MYT1L: variants seen among roughly 807,000 people sequenced by gnomAD.
The protein encoded by MYT1L is myelin transcription factor 1-like protein.
Under a neutral mutation model 126.7 loss-of-function variants are expected in MYT1L, and 12 were observed. The ratio of observed to expected loss-of-function variants is 0.09; its 90% CI spans 0.06 to 0.15. The LOEUF is 0.15. MYT1L is among the 10% of genes least tolerant of loss of function. MYT1L has a pLI of 1.00. For missense variants in MYT1L, 979 were observed against 1,585.2 expected (o/e 0.62, Z 6.49); for synonymous variants, 541 against 604.2 (o/e 0.90, Z 1.53).
chr2:1,843,829 T>C (rs570969609), intron 19 of MYT1L, among the ~76,000 whole-genome samples: 1 of 152,340 alleles, frequency 6.6e-6, no homozygotes, highest in Admixed American at 6.5e-5. Context: ...GGGACAGCTC[T>C]GGGCCACCAT....
intron 22 of MYT1L, among the ~76,000 whole-genome samples, chr2:1,803,956 G>T (rs558267548): frequency 1.3e-5 from 2 of 152,188 alleles, no homozygotes; most frequent in African/African-American, 4.8e-5. Context: ...GCGCCTCGGC[G>T]TGAAGCCCCC....
intron 9 of MYT1L, among the ~76,000 whole-genome samples, chr2:1,937,585 G>T (rs372732631): frequency 4.1e-4 from 62 of 151,358 alleles, no homozygotes; most frequent in African/African-American, 1.3e-3. Context: ...ACAGCCATCA[G>T]ATCGCAAGTC....
At chr2:2,124,516 G>A (rs1012502645) in intron 3 of MYT1L, among the ~76,000 whole-genome samples, 1 of 152,106 alleles carries the variant, frequency 6.6e-6, no homozygotes, top group Non-Finnish European at 1.5e-5. Flanking sequence ...GGCTGGTCTC[G>A]AACTTCTGAC....
intron 3 of MYT1L, among the ~76,000 whole-genome samples, chr2:2,149,659 C>G (rs576114236): frequency 6.6e-6 from 1 of 152,338 alleles, no homozygotes; most frequent in African/African-American, 2.4e-5. Context: ...AGGGCTGTTT[C>G]ATTCTGGCAT....
intron 1 of MYT1L, among the ~76,000 whole-genome samples, chr2:2,295,557 C>CAGACAGACAGAGAGAGAGAGAGAG (rs2095660135): frequency 7.8e-6 from 1 of 128,436 alleles, no homozygotes; most frequent in Non-Finnish European, 1.7e-5. Context: ...GAGAGAGAGA[C>CAGACAGACAGAGAGAGAGAGAGAG]AGACAGACAG....
At chr2:2,095,018 C>A (rs1409024563) in intron 3 of MYT1L, among the ~76,000 whole-genome samples, 1 of 152,210 alleles carries the variant, frequency 6.6e-6, no homozygotes, top group Non-Finnish European at 1.5e-5. Context: ...TCCAAGGAAC[C>A]CAGTCCAGCA....
At chr2:2,250,588 C>T (rs2094621022) in intron 2 of MYT1L, among the ~76,000 whole-genome samples, 1 of 148,320 alleles carries the variant, frequency 6.7e-6, no homozygotes, top group African/African-American at 2.5e-5. Flanking sequence ...ACAAATAAGG[C>T]CTAGTTATTT....
At chr2:2,271,201 G>A (rs2095257671) in intron 2 of MYT1L, among the ~76,000 whole-genome samples, 1 of 152,200 alleles carries the variant, frequency 6.6e-6, no homozygotes, top group Admixed American at 6.5e-5. Flanking sequence ...GGGGGACACA[G>A]TGCCAACAAC....
intron 3 of MYT1L, among the ~76,000 whole-genome samples, chr2:2,158,556 A>C (rs1172997259): frequency 6.6e-6 from 1 of 152,084 alleles, no homozygotes; most frequent in African/African-American, 2.4e-5. Flanking sequence ...AATGCAATTC[A>C]TATCGGCACA....
intron 4 of MYT1L, among the ~76,000 whole-genome samples, chr2:1,999,467 A>T (rs1015315622): frequency 1.3e-5 from 2 of 152,228 alleles, no homozygotes; most frequent in Non-Finnish European, 2.9e-5. Context: ...GACACAGTTG[A>T]AATCTTAAAT....
rs762342275 is a variant in MYT1L, at chr2:1,956,396, ATCTG to A, written c.153-13066_153-13063del. On this transcript the variant is annotated intron_variant, in intron 8 of 24. Transcript: ENST00000647738. ...CTATTCTATATTTCCTATTCTTTCT[ATCTG>A]TCTGTCTATCTATCTATCTATCTAT... Among the ~76,000 whole-genome samples, 87 of 64,580 alleles carry A rather than the reference ATCTG, an allele frequency of 1.3e-3. 9 individuals are homozygous for A. Among genetic ancestry groups the A allele is most frequent in the East Asian group, 5.8e-3 (10 of 1,718 alleles). The allele number at this position is 64,580 out of a possible 152,430, so 42.4% of individuals were successfully genotyped here.
chr2:1,977,258 G>A (rs978877947), intron 8 of MYT1L, among the ~76,000 whole-genome samples: 6 of 152,158 alleles, frequency 3.9e-5, no homozygotes, highest in East Asian at 1.9e-4. Context: ...GCAAGTTTCC[G>A]AAGGAAGAAA....
intron 21 of MYT1L, among the ~76,000 whole-genome samples, chr2:1,817,483 G>C (rs1572514086): frequency 6.6e-6 from 1 of 152,260 alleles, no homozygotes; most frequent in South Asian, 2.1e-4. Context: ...TAAGGAGCAG[G>C]AGCCTTCAGC....
chr2:1,999,601 C>T (rs1332710025), intron 4 of MYT1L, among the ~76,000 whole-genome samples: 2 of 151,882 alleles, frequency 1.3e-5, no homozygotes, highest in African/African-American at 4.8e-5. Context: ...TTTAAATTTA[C>T]CACCCCAAAG....
chr2:1,870,409 G>A (rs1281332417), intron 18 of MYT1L, among the ~76,000 whole-genome samples: 1 of 152,192 alleles, frequency 6.6e-6, no homozygotes, highest in African/African-American at 2.4e-5. Flanking sequence ...GCCCCAGAGA[G>A]CAGCAGCCTG....
chr2:2,020,140 C>T (rs752019538), intron 4 of MYT1L, among the ~76,000 whole-genome samples: 2 of 152,188 alleles, frequency 1.3e-5, no homozygotes, highest in Non-Finnish European at 2.9e-5. Context: ...CCACCATGCC[C>T]AGCCGCCAGT....
intron 2 of MYT1L, among the ~76,000 whole-genome samples, chr2:2,237,068 C>A (rs1181431890): frequency 6.6e-6 from 1 of 152,054 alleles, no homozygotes; most frequent in East Asian, 1.9e-4. Flanking sequence ...TTCATCTCAG[C>A]CTCCCAAAGT....
intron 3 of MYT1L, among the ~76,000 whole-genome samples, chr2:2,158,230 C>T (rs2087054301): frequency 6.6e-6 from 1 of 151,532 alleles, no homozygotes; most frequent in Admixed American, 6.6e-5. Context: ...ATGCCCTGGC[C>T]CTTGCTAGGC....
In MYT1L at chr2:1,793,643, C is replaced by T. The variant is rs763931846; in HGVS notation, c.3277-1179G>A. On this transcript the variant is annotated intron_variant, in intron 23 of 24. Coordinates refer to ENST00000647738, the MANE Select transcript of MYT1L (RefSeq NM_001303052.2). This position sits in a 1 kb window ranked among gnomAD's most constrained non-coding sequence, Gnocchi z 4.6. ...TTAGAAAACTGAAGCACCTCAGAGGCGCCCTCCAGGATGAAGTGGGGAGGG... is the reference window on the plus strand; with the variant it reads ...TTAGAAAACTGAAGCACCTCAGAGGTGCCCTCCAGGATGAAGTGGGGAGGG... 2.8e-4 allele frequency among the ~76,000 whole-genome samples: 42 copies of T among 152,172 alleles called. No individual in the cohort carries two copies. The highest frequency in any genetic ancestry group is 4.3e-4 in the Non-Finnish European group (29 of 68,020).
Sources: gnomAD v4.1 joint callset for allele counts (sites outside exome capture counted in the v4.1 genomes callset) on GRCh38, gnomAD v4.1.1 for gene constraint, Gnocchi (gnomAD v3.1) non-coding constraint, MANE v1.5 for transcripts, NCBI Gene and HGNC (gene_info 2026-07-23, HGNC 2026-07-21) for gene names.